FRMD4A: variants seen among roughly 807,000 people sequenced by gnomAD.
The protein encoded by FRMD4A is FERM domain-containing protein 4A.
Under a neutral mutation model 129.1 loss-of-function variants are expected in FRMD4A, and 29 were observed. The ratio of observed to expected loss-of-function variants is 0.22; its 90% CI spans 0.17 to 0.31. FRMD4A has a LOEUF of 0.31. Ranked by LOEUF, FRMD4A falls within the 10% of genes least tolerant of loss-of-function variation. The probability of loss-of-function intolerance (pLI) is 1.00; values close to 1 mark genes in which losing one functional copy is unlikely to be tolerated. For synonymous variants in FRMD4A, 634 were observed against 571.6 expected (o/e 1.11, Z -1.56); for missense variants, 1,272 against 1,375.8 (o/e 0.92, Z 1.19).
At chr10:14,276,762 T>C (rs905522454) in intron 2 of FRMD4A, among the ~76,000 whole-genome samples, 3 of 152,244 alleles carry the variant, frequency 2.0e-5, no homozygotes, top group Admixed American at 6.5e-5. Context: ...AAGCCTGACC[T>C]TCCCATCTTC....
chr10:13,964,452 A>AG (rs1364609404), intron 2 of FRMD4A, among the ~76,000 whole-genome samples: 2 of 44,886 alleles, frequency 4.5e-5, no homozygotes, highest in Non-Finnish European at 8.7e-5. Context: ...CACAGCCAGG[A>AG]GTGGCGTGGA....
At chr10:13,683,918 C>G (rs1189402305) in intron 15 of FRMD4A, 2 of 152,052 alleles carry the variant, frequency 1.3e-5, no homozygotes, top group African/African-American at 4.8e-5. Context: ...CCATGTTAGC[C>G]AGGCTGGTCT....
intron 2 of FRMD4A, among the ~76,000 whole-genome samples, chr10:14,229,828 G>C (rs1411014504): frequency 6.6e-6 from 1 of 152,146 alleles, no homozygotes; most frequent in Non-Finnish European, 1.5e-5. Flanking sequence ...TGACTCCCTA[G>C]AGCTATCACA....
At chr10:14,193,145 C>T (rs984245786) in intron 2 of FRMD4A, among the ~76,000 whole-genome samples, 2 of 152,168 alleles carry the variant, frequency 1.3e-5, no homozygotes, top group Non-Finnish European at 2.9e-5. Context: ...TTGGGAAGAA[C>T]ACAGTCTTAC....
rs959611408 is a variant in FRMD4A at position 13,645,477 on chromosome 10, T to G, written c.*1561A>C. 6.6e-6 allele frequency: 1 copy of G among 152,548 alleles called. No homozygotes were observed. The highest frequency in any genetic ancestry group is 2.4e-5 in the African/African-American group (1 of 41,410). 9.4% of individuals were successfully genotyped at this position (152,548 alleles called of 1,614,324 possible). On this transcript the variant is annotated 3_prime_UTR_variant, in exon 25 of 25. Transcript: ENST00000357447. ...CGTGCACTTGTTACTATAAAAGTAT[T>G]TTTGAGGCCTTTGAAGATTGATGGC...
chr10:14,319,365 T>A (rs79341407), intron 2 of FRMD4A, among the ~76,000 whole-genome samples: 1 of 141,008 alleles, frequency 7.1e-6, no homozygotes, highest in South Asian at 2.3e-4. Context: ...TCTCTCTCTC[T>A]CTCACACACA....
chr10:13,801,837 C>T (rs1252801938), intron 4 of FRMD4A, among the ~76,000 whole-genome samples: 1 of 152,160 alleles, frequency 6.6e-6, no homozygotes, highest in Non-Finnish European at 1.5e-5. Context: ...GTGCCTCCCT[C>T]AAACCTTTTA....
At chr10:14,031,470 G>T (rs1353292498) in intron 2 of FRMD4A, among the ~76,000 whole-genome samples, 1 of 152,106 alleles carries the variant, frequency 6.6e-6, no homozygotes, top group African/African-American at 2.4e-5. Flanking sequence ...GGTTCACCAT[G>T]TTGGTCAGGC....
At chr10:14,311,462 T>C (rs1416395696) in intron 2 of FRMD4A, among the ~76,000 whole-genome samples, 8 of 152,034 alleles carry the variant, frequency 5.3e-5, no homozygotes, top group Non-Finnish European at 1.2e-4. Context: ...GCACTACACA[T>C]CCTCTCTCCC....
intron 5 of FRMD4A, among the ~76,000 whole-genome samples, chr10:13,787,364 G>A (rs1407203317): frequency 2.6e-5 from 4 of 152,184 alleles, no homozygotes; most frequent in Non-Finnish European, 5.9e-5. Flanking sequence ...CCACCCGCAC[G>A]CCCAGAGAGG....
intron 3 of FRMD4A, among the ~76,000 whole-genome samples, chr10:13,846,179 T>C (rs1789180706): frequency 6.6e-6 from 1 of 152,242 alleles, no homozygotes; most frequent in African/African-American, 2.4e-5. Flanking sequence ...CTAAGCTATA[T>C]AATTTCCCAA....
chr10:13,867,285 G>A (rs143448779), intron 2 of FRMD4A, among the ~76,000 whole-genome samples: 41 of 151,898 alleles, frequency 2.7e-4, no homozygotes, highest in African/African-American at 9.7e-4. Flanking sequence ...TTGAAACAGG[G>A]TCTCACTCCG....
In FRMD4A at chr10:13,659,386, T is replaced by C. The variant is rs1181911482; in HGVS notation, c.2003A>G (p.Gln668Arg). ...PIRGLPHWNS[Q>R]SSMPSTPDLR... ...GTCTGGCGTGGACGGCATGCTGGAC[T>C]GGGAGTTCCAGTGCGGGAGGCCGCG... The change falls in exon 21 of 25, where the codon CAG becomes CGG. Residue 668 changes from glutamine (Q) to arginine (R), a missense_variant. Coordinates refer to ENST00000357447, the MANE Select transcript of FRMD4A (RefSeq NM_018027.5). 1.9e-6 allele frequency: 3 copies of C among 1,614,016 alleles called. No homozygotes were observed. Among genetic ancestry groups the C allele is most frequent in the Non-Finnish European group, 2.5e-6 (3 of 1,179,978 alleles).
Position 14,225,449 on chromosome 10 carries a change from C to T in FRMD4A, c.45+104609G>A, listed in dbSNP as rs149939386. Among the ~76,000 whole-genome samples, 148 of 152,288 alleles carry T rather than the reference C, an allele frequency of 9.7e-4. 3 individuals carry two copies. Among genetic ancestry groups the T allele is most frequent in the Admixed American group, 7.6e-3 (116 of 15,298 alleles). On this transcript the variant is annotated intron_variant, in intron 2 of 24. Transcript: ENST00000357447. ...AGAGATTAATATTCCCAAGGGAAAC[C>T]GTGCCTTCATTTGCATGAAGTGGGT...
chr10:14,148,169 C>T (rs1341534961), intron 2 of FRMD4A, among the ~76,000 whole-genome samples: 1 of 152,164 alleles, frequency 6.6e-6, no homozygotes, highest in Non-Finnish European at 1.5e-5. Flanking sequence ...ATTTGATGTG[C>T]ATCCACCCCC....
At chr10:13,690,946 G>C (rs369549869) in intron 15 of FRMD4A, among the ~76,000 whole-genome samples, 5 of 152,184 alleles carry the variant, frequency 3.3e-5, no homozygotes, top group Non-Finnish European at 7.3e-5. Flanking sequence ...GGGAGTCATA[G>C]AGATGTACTG....
chr10:14,182,803 A>G (rs561505844), intron 2 of FRMD4A, among the ~76,000 whole-genome samples: 2 of 152,342 alleles, frequency 1.3e-5, no homozygotes, highest in African/African-American at 4.8e-5. Flanking sequence ...GATTAGAGGT[A>G]ACAATCACAG....
chr10:13,850,275 A>T (rs1352014707), intron 3 of FRMD4A, among the ~76,000 whole-genome samples: 1 of 152,242 alleles, frequency 6.6e-6, no homozygotes, highest in Admixed American at 6.5e-5. Flanking sequence ...AGATTTTTAA[A>T]AAGTCATACA....
intron 3 of FRMD4A, among the ~76,000 whole-genome samples, chr10:13,816,589 C>T (rs748332520): frequency 1.3e-5 from 2 of 152,118 alleles, no homozygotes; most frequent in African/African-American, 2.4e-5. Flanking sequence ...AGACAATATC[C>T]CCCGCTGATG....
Sources: gnomAD v4.1 joint callset for allele counts (sites outside exome capture counted in the v4.1 genomes callset) on GRCh38, gnomAD v4.1.1 for gene constraint, MANE v1.5 for transcripts, NCBI Gene and HGNC (gene_info 2026-07-23, HGNC 2026-07-21) for gene names.